The following ZNF407 variants were observed in gnomAD, a reference collection of about 807,000 sequenced individuals.
ZNF407 encodes the protein zinc finger protein 407.
Under a neutral mutation model 131.2 loss-of-function variants are expected in ZNF407, and 17 were observed. The ratio of observed to expected loss-of-function variants is 0.13; its 90% CI spans 0.09 to 0.19. The LOEUF is 0.19. ZNF407 is among the 10% of genes least tolerant of loss of function. ZNF407 has a pLI of 1.00. For missense variants in ZNF407, 2,681 were observed against 2,830.6 expected (o/e 0.95, Z 1.20); for synonymous variants, 1,156 against 1,062.0 (o/e 1.09, Z -1.72).
At chr18:74,905,458 A>G (rs1362266073) in intron 7 of ZNF407, 1 of 152,256 alleles carries the variant, frequency 6.6e-6, no homozygotes, top group Non-Finnish European at 1.5e-5. Flanking sequence ...TCGCGCAGAG[A>G]GCGCATGTGG....
chr18:74,695,502 A>AT (rs1387659537), intron 3 of ZNF407, among the ~76,000 whole-genome samples: 3 of 141,044 alleles, frequency 2.1e-5, no homozygotes, highest in Non-Finnish European at 3.1e-5. Context: ...TTTATTTTTT[A>AT]TTTTTTTGGC....
chr18:74,726,590 C>T (rs1968164207), intron 3 of ZNF407, among the ~76,000 whole-genome samples: 1 of 152,108 alleles, frequency 6.6e-6, no homozygotes, highest in South Asian at 2.1e-4. Flanking sequence ...CATTAACATG[C>T]CTTGTTTTGC....
At chr18:74,914,494 T>A (rs980197853) in intron 7 of ZNF407, among the ~76,000 whole-genome samples, 15 of 152,204 alleles carry the variant, frequency 9.9e-5, no homozygotes, top group Admixed American at 3.9e-4. Context: ...CAGGAATAGC[T>A]TTTACCAACT....
intron 4 of ZNF407, among the ~76,000 whole-genome samples, chr18:74,842,750 A>G (rs1477679768): frequency 6.6e-6 from 1 of 151,964 alleles, no homozygotes; most frequent in African/African-American, 2.4e-5. Flanking sequence ...TTGAGACAGA[A>G]TATCGCTCTG....
At chr18:74,938,712 C>T (rs1972065859) in intron 8 of ZNF407, among the ~76,000 whole-genome samples, 1 of 152,134 alleles carries the variant, frequency 6.6e-6, no homozygotes, top group African/African-American at 2.4e-5. Context: ...GAATTAAGAA[C>T]TACAAGGGAA....
intron 4 of ZNF407, among the ~76,000 whole-genome samples, chr18:74,813,418 T>A (rs1322181069): frequency 2.0e-5 from 3 of 152,132 alleles, no homozygotes; most frequent in African/African-American, 7.2e-5. Flanking sequence ...CGGGAATTTG[T>A]CTTCATGATG....
chr18:75,040,454 A>C (rs1345949967), intron 8 of ZNF407, among the ~76,000 whole-genome samples: 1 of 152,178 alleles, frequency 6.6e-6, no homozygotes, highest in African/African-American at 2.4e-5. Flanking sequence ...TCTTCCTCTA[A>C]ATTTTATCAA....
rs574708429 is a variant in ZNF407 at position 75,017,715 on chromosome 18, A to G, written c.5429-45435A>G. On this transcript the variant is annotated intron_variant, in intron 8 of 8. Transcript: ENST00000299687. Reference sequence around the variant, plus strand: ...TTCTTCCACCATGTGTTGTGGTCCAAGTAACTGTTTCTCTCATCCCTCTTA... The same window carrying G: ...TTCTTCCACCATGTGTTGTGGTCCAGGTAACTGTTTCTCTCATCCCTCTTA... Among the ~76,000 whole-genome samples the G allele has an allele frequency of 4.6e-5, 7 of 152,292 alleles. No individual in the cohort carries two copies. In the South Asian group the frequency reaches 1.0e-3, roughly 23 times the overall value.
At chr18:75,024,962 ATG>A (rs1599299556) in intron 8 of ZNF407, among the ~76,000 whole-genome samples, 2 of 152,350 alleles carry the variant, frequency 1.3e-5, no homozygotes, top group South Asian at 4.1e-4. Flanking sequence ...ATTTAAAAAA[ATG>A]TGTGTTTGCA....
At chr18:74,780,285 A>C (rs973219796) in intron 3 of ZNF407, among the ~76,000 whole-genome samples, 7 of 152,172 alleles carry the variant, frequency 4.6e-5, no homozygotes, top group African/African-American at 1.7e-4. Flanking sequence ...AGACATTTAG[A>C]CATGAAAAGA....
intron 8 of ZNF407, among the ~76,000 whole-genome samples, chr18:75,045,500 G>A (rs954546467): frequency 3.3e-5 from 5 of 152,156 alleles, no homozygotes; most frequent in African/African-American, 9.7e-5. Context: ...CTAAAGTTTC[G>A]TGAAATGAAA....
At chr18:74,850,896 G>C (rs1427976159) in intron 4 of ZNF407, among the ~76,000 whole-genome samples, 1 of 152,164 alleles carries the variant, frequency 6.6e-6, no homozygotes, top group South Asian at 2.1e-4. Flanking sequence ...ACCTGGATTA[G>C]AGAGTGTCTG....
In ZNF407 at chr18:74,703,617, C is replaced by T. The variant is rs758112789; in HGVS notation, c.4802+62495C>T. Among the ~76,000 whole-genome samples the T allele has an allele frequency of 3.8e-4, 58 of 152,082 alleles. 1 individual carries two copies. Among genetic ancestry groups the T allele is most frequent in the Non-Finnish European group, 6.5e-4 (44 of 68,006 alleles). ...CTGACCTCAGGTGATCTGCCCTCCT[C>T]GGCCTCCCAAAGTGCTGGGATTACA... On this transcript the variant is annotated intron_variant, in intron 3 of 8. Transcript: ENST00000299687. This position sits in a 1 kb window ranked among gnomAD's most constrained non-coding sequence, Gnocchi z 4.1.
intron 8 of ZNF407, among the ~76,000 whole-genome samples, chr18:75,029,641 G>GC (rs1973215943): frequency 6.6e-6 from 1 of 152,234 alleles, no homozygotes; most frequent in African/African-American, 2.4e-5. Context: ...GTGTGCGTGC[G>GC]TGTGCATGCG....
intron 3 of ZNF407, among the ~76,000 whole-genome samples, chr18:74,763,649 A>C (rs2144979690): frequency 6.7e-6 from 1 of 149,846 alleles, no homozygotes; most frequent in East Asian, 2.0e-4. Context: ...ATTTTTTTGT[A>C]GTCTTCATTT....
chr18:75,050,820 C>G (rs1599312256), intron 8 of ZNF407, among the ~76,000 whole-genome samples: 1 of 152,110 alleles, frequency 6.6e-6, no homozygotes, highest in African/African-American at 2.4e-5. Context: ...ACAAAAAGCA[C>G]CAAAACACAG....
intron 8 of ZNF407, among the ~76,000 whole-genome samples, chr18:75,012,027 C>A (rs1972979791): frequency 6.6e-6 from 1 of 151,914 alleles, no homozygotes; most frequent in Admixed American, 6.6e-5. Context: ...TCTTTTTAAA[C>A]CTGCAAAAAC....
chr18:74,864,224 TG>T (rs2145163528), intron 4 of ZNF407, among the ~76,000 whole-genome samples: 1 of 152,332 alleles, frequency 6.6e-6, no homozygotes, highest in Non-Finnish European at 1.5e-5. Context: ...GCATAACCTT[TG>T]GTAACATGCC....
intron 3 of ZNF407, among the ~76,000 whole-genome samples, chr18:74,682,401 G>A (rs774126088): frequency 6.6e-6 from 1 of 152,156 alleles, no homozygotes; most frequent in Non-Finnish European, 1.5e-5. Context: ...CGGCATTCTT[G>A]TGGCGTGGGT....
Sources: gnomAD v4.1 joint callset for allele counts (sites outside exome capture counted in the v4.1 genomes callset) on GRCh38, gnomAD v4.1.1 for gene constraint, Gnocchi (gnomAD v3.1) non-coding constraint, MANE v1.5 for transcripts, NCBI Gene and HGNC (gene_info 2026-07-23, HGNC 2026-07-21) for gene names.